LIMK2: variants seen among roughly 807,000 people sequenced by gnomAD.
The protein encoded by LIMK2 is LIM domain kinase 2.
In LIMK2, 35 loss-of-function variants were observed where a neutral mutation model predicts 75.7. The ratio of observed to expected loss-of-function variants is 0.46; its 90% confidence interval spans 0.35 to 0.61. The LOEUF is 0.61. Among genes scored for constraint, LIMK2 ranks in the 20% least tolerant of loss-of-function variants. LIMK2 has a pLI of 0.00. For synonymous variants in LIMK2, 301 were observed against 319.2 expected (o/e 0.94, Z 0.61); for missense variants, 623 against 831.0 (o/e 0.75, Z 3.08).
At chr22:31,222,014 C>G (rs2048438473) in intron 1 of LIMK2, among the ~76,000 whole-genome samples, 1 of 152,068 alleles carries the variant, frequency 6.6e-6, no homozygotes, top group Non-Finnish European at 1.5e-5. Flanking sequence ...GATTGCAGTG[C>G]ATTATGCAGA....
At chr22:31,272,480 A>G (rs1184949987) in intron 12 of LIMK2, 50 bp from the exon 13 acceptor site, 4 of 1,525,728 alleles carry the variant, frequency 2.6e-6, no homozygotes, top group Non-Finnish European at 1.8e-6. Context: ...CCCCAGGGCC[A>G]GGTTTGAGAA....
At chr22:31,268,591 A>G (rs1334027960) in intron 11 of LIMK2, among the ~76,000 whole-genome samples, 1 of 152,156 alleles carries the variant, frequency 6.6e-6, no homozygotes, top group Non-Finnish European at 1.5e-5. Flanking sequence ...TCAGAATTGG[A>G]TAAAGTTCTT....
rs1485185025 is a variant in LIMK2, at chr22:31,265,988, A to G, written c.897A>G (p.Pro299=). 6.2e-7 allele frequency: 1 copy of G among 1,614,070 alleles called. No individual in the cohort carries two copies. The part of the protein sequence containing the change: ...SISKSPGPSS[P]KEPLLFSRDI... The stretch of plus-strand genomic sequence containing the variant: ...CCAAGTCCCCTGGCCCCAGCTCCCC[A>G]AAGGAGCCCCTGCTGTTCAGCCGTG... Residue 299 remains proline (P), a synonymous_variant, in exon 8 of 16, where the codon CCA becomes CCG. Coordinates refer to ENST00000331728, the MANE Select transcript of LIMK2 (RefSeq NM_005569.4).
chr22:31,255,124 A>G (rs1219801908), intron 2 of LIMK2, among the ~76,000 whole-genome samples: 5 of 152,172 alleles, frequency 3.3e-5, no homozygotes, highest in Admixed American at 3.3e-4. Context: ...AAACACAGAT[A>G]TGCACAGAGT....
intron 2 of LIMK2, among the ~76,000 whole-genome samples, chr22:31,230,570 T>C (rs2048519133): frequency 6.6e-6 from 1 of 152,238 alleles, no homozygotes. Context: ...TTAAGGCTCC[T>C]GGGAACTTTC....
chr22:31,228,107 G>A (rs140700960), intron 2 of LIMK2, among the ~76,000 whole-genome samples: 116 of 152,062 alleles, frequency 7.6e-4, no homozygotes, highest in Admixed American at 1.4e-3. Context: ...AAGTAGACAC[G>A]TTAGCATGGT....
chr22:31,236,255 C>T (rs1138706), intron 2 of LIMK2, among the ~76,000 whole-genome samples: 35,533 of 148,128 alleles, frequency 0.24, 6,158 homozygotes, highest in African/African-American at 0.49. Context: ...GATTGCACCA[C>T]TGCACTCCAG....
At position 31,262,200 on chromosome 22, in the gene LIMK2, G is replaced by A. The variant is rs1465792594; in HGVS notation, c.618G>A (p.Glu206=). The A allele has an allele frequency of 1.2e-6, 2 of 1,614,176 alleles. No individual in the cohort carries two copies. The highest frequency in any genetic ancestry group is 4.5e-5 in the East Asian group (2 of 44,882). The change falls in exon 6 of 16, where the codon GAG becomes GAA. Residue 206 remains glutamate, a synonymous_variant. Transcript: ENST00000331728. The surrounding 1 kb of genome is among the most constrained non-coding windows in gnomAD (Gnocchi z 5.0). Reference sequence around the variant, plus strand: ...TCCACCCTGGGGACCGCATCCTGGAGATCAATGGGACCCCCGTCCGCACAC... The same window carrying A: ...TCCACCCTGGGGACCGCATCCTGGAAATCAATGGGACCCCCGTCCGCACAC... The part of the protein sequence containing the change: ...NAIHPGDRIL[E]INGTPVRTLR...
At chr22:31,221,320 G>A (rs1407044313) in intron 1 of LIMK2, among the ~76,000 whole-genome samples, 1 of 150,240 alleles carries the variant, frequency 6.7e-6, no homozygotes, top group Non-Finnish European at 1.5e-5. Context: ...CCCCTCTCCA[G>A]TGTTAGCCTT....
Position 31,278,609 on chromosome 22 carries a change from C to T in LIMK2, c.*168C>T. ...CCCAGGAGGCAAGTGGGCGCAGCACCAGGGAAATGTATCTCCACAGGTTCT... is the reference window on the plus strand; with the variant it reads ...CCCAGGAGGCAAGTGGGCGCAGCACTAGGGAAATGTATCTCCACAGGTTCT... On this transcript the variant is annotated 3_prime_UTR_variant, in exon 16 of 16. Transcript: ENST00000331728. 1 of 557,142 alleles carries T rather than the reference C, an allele frequency of 1.8e-6. No individual in the cohort carries two copies. The highest frequency in any genetic ancestry group is 3.0e-6 in the Non-Finnish European group (1 of 337,674). The allele number at this position is 557,142 out of a possible 1,614,324, so 34.5% of individuals were successfully genotyped here. A position where few individuals can be genotyped will look rare whatever the true frequency, so the allele number is the denominator to read the frequency against.
chr22:31,258,596 A>C (rs2048808470), intron 3 of LIMK2, 170 bp downstream of exon 3: 2 of 661,286 alleles, frequency 3.0e-6, no homozygotes, highest in Non-Finnish European at 5.1e-6. Context: ...ACTAAGTGAA[A>C]GGTAAGATCC....
intron 2 of LIMK2, among the ~76,000 whole-genome samples, chr22:31,233,850 A>G (rs1377086264): frequency 6.6e-6 from 1 of 151,828 alleles, no homozygotes; most frequent in African/African-American, 2.4e-5. Context: ...TTTATCTCTA[A>G]ATTATATTTT....
Position 31,216,323 on chromosome 22 carries a change from G to T in LIMK2, c.16+3899G>T, listed in dbSNP as rs1451585632. On this transcript the variant is annotated intron_variant, in intron 1 of 15. Coordinates refer to ENST00000331728, the MANE Select transcript of LIMK2 (RefSeq NM_005569.4). ...TAGGCAAGTTTCAGGTCTTCATAAAGGGTAGCAAATACGTGTGGTAGAGGC... is the reference window on the plus strand; with the variant it reads ...TAGGCAAGTTTCAGGTCTTCATAAATGGTAGCAAATACGTGTGGTAGAGGC... Among the ~76,000 whole-genome samples the T allele has an allele frequency of 3.3e-5, 5 of 152,292 alleles. No individual in the cohort carries two copies. The East Asian group carries it at 9.6e-4, about 29-fold the overall frequency.
chr22:31,215,253 T>C (rs2048380652), intron 1 of LIMK2, among the ~76,000 whole-genome samples: 1 of 152,140 alleles, frequency 6.6e-6, no homozygotes, highest in Non-Finnish European at 1.5e-5. Flanking sequence ...GACTATGGAG[T>C]CTGAGAAGGA....
chr22:31,259,877 C>T lies in LIMK2; in HGVS notation c.363-12C>T. The stretch of plus-strand genomic sequence containing the variant: ...CTCTAGCATCTTATTCCCCCCTGTG[C>T]CCTCTCCCCAGTGGGAAGTGCCACA... On this transcript the variant is annotated splice_polypyrimidine_tract_variant and intron_variant, in intron 4 of 15. Coordinates refer to ENST00000331728, the MANE Select transcript of LIMK2 (RefSeq NM_005569.4). 1 of 1,597,920 alleles carries T rather than the reference C, an allele frequency of 6.3e-7. No individual in the cohort carries two copies. The highest frequency in any genetic ancestry group is 2.3e-5 in the East Asian group (1 of 44,052).
rs750137783 is a variant in LIMK2, at chr22:31,266,027, A to G, written c.936A>G (p.Ser312=). The G allele has an allele frequency of 3.5e-5, 56 of 1,614,062 alleles. No homozygotes were observed. Among genetic ancestry groups the G allele is most frequent in the South Asian group, 9.9e-5 (9 of 91,086 alleles). ...PLLFSRDISR[S]ESLRCSSSYS... ...TGTTCAGCCGTGACATCAGCCGCTC[A>G]GAATCCCTTCGTTGTTCCAGCAGCT... Residue 312 remains serine, a synonymous_variant, in exon 8 of 16, where the codon TCA becomes TCG. Transcript: ENST00000331728.
chr22:31,212,786 T>A (rs2048358691), intron 1 of LIMK2, among the ~76,000 whole-genome samples: 1 of 152,114 alleles, frequency 6.6e-6, no homozygotes, highest in Non-Finnish European at 1.5e-5. Context: ...TTAAGGAAGT[T>A]GAAAAGCATG....
chr22:31,276,554 C>A (rs2049021172), intron 15 of LIMK2, among the ~76,000 whole-genome samples: 1 of 145,848 alleles, frequency 6.9e-6, no homozygotes, highest in African/African-American at 2.5e-5. Context: ...GCTCCGCATG[C>A]TGCAGCTGCC....
At chr22:31,226,608 T>C (rs2048481320) in intron 2 of LIMK2, among the ~76,000 whole-genome samples, 1 of 152,202 alleles carries the variant, frequency 6.6e-6, no homozygotes, top group Admixed American at 6.5e-5. Context: ...TACATTATTA[T>C]TATTATTGTT....
Sources: allele counts gnomAD v4.1 joint callset (sites outside exome capture counted in the v4.1 genomes callset), GRCh38; gene constraint gnomAD v4.1.1; non-coding constraint Gnocchi (gnomAD v3.1); transcripts MANE v1.5; gene names NCBI Gene and HGNC (gene_info 2026-07-23, HGNC 2026-07-21).